The following SEM1 variants were observed in gnomAD, a reference collection of about 807,000 sequenced individuals.
The protein encoded by SEM1 is SEM1 26S proteasome subunit.
SEM1 carries 3 observed loss-of-function variants against 12.7 expected under a neutral mutation model. The ratio of observed to expected loss-of-function variants is 0.24; its 90% CI spans 0.11 to 0.61. The LOEUF is 0.61. SEM1 is among the 20% of genes least tolerant of loss of function. The pLI, the probability that SEM1 is intolerant of heterozygous loss-of-function variation, is 0.88. For synonymous variants in SEM1, 30 were observed against 27.8 expected (o/e 1.08, Z -0.25); for missense variants, 59 against 81.3 (o/e 0.73, Z 1.06).
At chr7:96,600,074 T>C (rs1459483820) in intron 2 of SEM1, among the ~76,000 whole-genome samples, 3 of 152,170 alleles carry the variant, frequency 2.0e-5, no homozygotes, top group African/African-American at 4.8e-5. Flanking sequence ...TAAAAATTAG[T>C]CTGGAACTTT....
chr7:96,537,174 G>T (rs184319349), intron 2 of SEM1, among the ~76,000 whole-genome samples: 1 of 151,660 alleles, frequency 6.6e-6, no homozygotes, highest in Admixed American at 6.6e-5. Flanking sequence ...ATTAGTATAG[G>T]TGTCTCATAA....
intron 2 of SEM1, among the ~76,000 whole-genome samples, chr7:96,693,119 C>T (rs1789977105): frequency 6.6e-6 from 1 of 151,950 alleles, no homozygotes; most frequent in Non-Finnish European, 1.5e-5. Context: ...AGTGTAGGAG[C>T]TGGTGCTACT....
intron 2 of SEM1, among the ~76,000 whole-genome samples, chr7:96,637,903 C>G (rs1808477850): frequency 6.6e-6 from 1 of 151,924 alleles, no homozygotes; most frequent in Non-Finnish European, 1.5e-5. Context: ...GACTCAACAG[C>G]CTTCCTCTTC....
At chr7:96,668,191 ATTATTT>A (rs1003070429) in intron 2 of SEM1, among the ~76,000 whole-genome samples, 11 of 152,210 alleles carry the variant, frequency 7.2e-5, no homozygotes, top group Non-Finnish European at 1.3e-4. Flanking sequence ...TGTATATCAT[ATTATTT>A]TTAAGTGCTT....
At chr7:96,525,180 G>A (rs758101740) in intron 2 of SEM1, among the ~76,000 whole-genome samples, 3 of 151,454 alleles carry the variant, frequency 2.0e-5, no homozygotes, top group African/African-American at 4.9e-5. Context: ...CCTTCTCTGC[G>A]TGCCAATCTC....
intron 2 of SEM1, among the ~76,000 whole-genome samples, chr7:96,592,520 C>T (rs1230372376): frequency 6.6e-6 from 1 of 151,800 alleles, no homozygotes; most frequent in African/African-American, 2.4e-5. Flanking sequence ...AATATTTATA[C>T]AGGTTCTTCC....
At chr7:96,699,003 A>T (rs943552451) in intron 1 of SEM1, among the ~76,000 whole-genome samples, 1 of 152,124 alleles carries the variant, frequency 6.6e-6, no homozygotes, top group African/African-American at 2.4e-5. Flanking sequence ...AATTCCATAA[A>T]ATTTACAAAA....
intron 2 of SEM1, among the ~76,000 whole-genome samples, chr7:96,689,919 CTG>C (rs1399548245): frequency 2.0e-5 from 3 of 152,252 alleles, no homozygotes; most frequent in African/African-American, 7.2e-5. Flanking sequence ...CCTCAGGAAA[CTG>C]GAGATTATAG....
chr7:96,637,496 G>A (rs146571299), intron 2 of SEM1, among the ~76,000 whole-genome samples: 1 of 152,056 alleles, frequency 6.6e-6, no homozygotes, highest in African/African-American at 2.4e-5. Context: ...GCTTCTCATT[G>A]CTAGAAAGTC....
chr7:96,648,755 A>G (rs982310904), intron 2 of SEM1, among the ~76,000 whole-genome samples: 1 of 152,272 alleles, frequency 6.6e-6, no homozygotes, highest in African/African-American at 2.4e-5. Context: ...AGGACTGAGC[A>G]GAAACCAAAC....
chr7:96,508,665 G>T (rs150750067), intron 2 of SEM1, among the ~76,000 whole-genome samples: 26 of 152,196 alleles, frequency 1.7e-4, no homozygotes, highest in Admixed American at 3.3e-4. Flanking sequence ...ACTGTCAATA[G>T]GACTGCATCC....
intron 1 of SEM1, chr7:96,696,950 A>C (rs1341089805): frequency 6.6e-6 from 1 of 152,000 alleles, no homozygotes; most frequent in Non-Finnish European, 1.5e-5. Flanking sequence ...TAAAGGGTTA[A>C]CTCCAGAAAT....
downstream of SEM1, among the ~76,000 whole-genome samples, chr7:96,684,972 A>G (rs1292027134): frequency 1.3e-5 from 2 of 152,090 alleles, no homozygotes; most frequent in Admixed American, 1.3e-4. Context: ...GTAGCTGGAA[A>G]ATCCAAGGCC....
chr7:96,582,563 G>A (rs1255157184), intron 2 of SEM1, among the ~76,000 whole-genome samples: 1 of 152,066 alleles, frequency 6.6e-6, no homozygotes, highest in Non-Finnish European at 1.5e-5. Flanking sequence ...GTTCCTCCTT[G>A]TACCTCTGGT....
downstream of SEM1, among the ~76,000 whole-genome samples, chr7:96,669,621 G>A (rs1789260825): frequency 1.3e-5 from 2 of 152,142 alleles, no homozygotes; most frequent in Admixed American, 6.6e-5. Context: ...TCAAAAGCAT[G>A]ACAGAAAAGC....
chr7:96,641,158 TAAAA>T (rs1808580464), intron 2 of SEM1, among the ~76,000 whole-genome samples: 1 of 151,588 alleles, frequency 6.6e-6, no homozygotes, highest in Non-Finnish European at 1.5e-5. Flanking sequence ...AAATAAAAAA[TAAAA>T]AATAAAAATA....
chr7:96,571,972 G>A (rs1280135211), intron 2 of SEM1, among the ~76,000 whole-genome samples: 1 of 152,032 alleles, frequency 6.6e-6, no homozygotes, highest in Non-Finnish European at 1.5e-5. Flanking sequence ...ACTTGTTATT[G>A]GTCTATTGAG....
At position 96,585,017 on chromosome 7, in the gene SEM1, G is replaced by A. The variant is rs541823684; in HGVS notation, c.171-78319C>T. Among the ~76,000 whole-genome samples, 10 of 151,684 alleles carry A rather than the reference G, an allele frequency of 6.6e-5. No individual in the cohort carries two copies. In the East Asian group the frequency reaches 1.9e-3, roughly 29 times the overall value. On this transcript the variant is annotated intron_variant and NMD_transcript_variant, in intron 2 of 3. Coordinates refer to the SEM1 transcript ENST00000466986. Reference sequence around the variant, plus strand: ...TTTGTTCCATTGCTGGTGAGGAACTGCGTTCCTTTGGAGAAGGAGAGGCGC... The same window carrying A: ...TTTGTTCCATTGCTGGTGAGGAACTACGTTCCTTTGGAGAAGGAGAGGCGC...
At chr7:96,698,469 T>C (rs993695424) in intron 1 of SEM1, among the ~76,000 whole-genome samples, 5 of 152,120 alleles carry the variant, frequency 3.3e-5, no homozygotes, top group Admixed American at 3.3e-4. Flanking sequence ...GTGTCTACTA[T>C]GTGTTCTCAT....
Sources: gnomAD v4.1 joint callset for allele counts (sites outside exome capture counted in the v4.1 genomes callset) on GRCh38, gnomAD v4.1.1 for gene constraint, MANE v1.5 for transcripts, NCBI Gene and HGNC (gene_info 2026-07-23, HGNC 2026-07-21) for gene names.